The following DSTYK variants were observed in gnomAD, a reference collection of about 807,000 sequenced individuals.
DSTYK encodes dual serine/threonine and tyrosine protein kinase.
DSTYK carries 34 observed loss-of-function variants against 98.7 expected under a neutral mutation model. The ratio of observed to expected loss-of-function variants is 0.34; its 90% CI spans 0.26 to 0.46. The LOEUF is 0.46. Among genes scored for constraint, DSTYK ranks in the 20% least tolerant of loss-of-function variants. The pLI, the probability that DSTYK is intolerant of heterozygous loss-of-function variation, is 1.00. For synonymous variants in DSTYK, 462 were observed against 457.3 expected (o/e 1.01, Z -0.13); for missense variants, 962 against 1,181.7 (o/e 0.81, Z 2.73).
chr1:205,151,848 T>A (rs528390129), intron 10 of DSTYK, among the ~76,000 whole-genome samples: 6 of 152,212 alleles, frequency 3.9e-5, no homozygotes, highest in Non-Finnish European at 7.4e-5. Context: ...ATAATACACA[T>A]GGAGCTATGA....
rs576768247 is a variant in DSTYK at position 205,150,089 on chromosome 1, G to A, written c.2467+591C>T. On this transcript the variant is annotated intron_variant, in intron 11 of 12. Transcript: ENST00000367162. This position sits in a 1 kb window ranked among gnomAD's most constrained non-coding sequence, Gnocchi z 4.1. Reference sequence around the variant, plus strand: ...ATCGTCACAGAATTAAACAAAATATGTGAAAAACCTACCCATACTGCTTAG... The same window carrying A: ...ATCGTCACAGAATTAAACAAAATATATGAAAAACCTACCCATACTGCTTAG... Among the ~76,000 whole-genome samples the A allele has an allele frequency of 2.0e-4, 31 of 152,220 alleles. No homozygotes were observed. The highest frequency in any genetic ancestry group is 7.2e-4 in the African/African-American group (30 of 41,530).
At chr1:205,183,852 C>T (rs894335801) in intron 2 of DSTYK, among the ~76,000 whole-genome samples, 2 of 152,088 alleles carry the variant, frequency 1.3e-5, no homozygotes, top group Non-Finnish European at 2.9e-5. Flanking sequence ...GGTTGCAAGG[C>T]CCTCTGAGAC....
chr1:205,202,325 G>C (rs1418031107), intron 1 of DSTYK: 2 of 695,620 alleles, frequency 2.9e-6, no homozygotes, highest in Non-Finnish European at 5.4e-6. Flanking sequence ...GAAAAGCCAC[G>C]AAGTATCTGA....
chr1:205,166,784 A>G (rs1260085073), intron 3 of DSTYK, among the ~76,000 whole-genome samples: 1 of 152,212 alleles, frequency 6.6e-6, no homozygotes, highest in Non-Finnish European at 1.5e-5. Flanking sequence ...TGACTATAAG[A>G]AATCAGGCAA....
Position 205,178,628 on chromosome 1 carries a change from A to G in DSTYK, c.654+8790T>C, listed in dbSNP as rs536440261. 2.0e-5 allele frequency among the ~76,000 whole-genome samples: 3 copies of G among 152,340 alleles called. No homozygotes were observed. In the South Asian group the frequency reaches 6.2e-4, roughly 32 times the overall value. On this transcript the variant is annotated intron_variant, in intron 2 of 12. Transcript: ENST00000367162. ...CTCTAATAAGAGTAGAAGAATAACT[A>G]TAAGTAAGTTGGAACAAGAAGCCTT...
At chr1:205,149,431 C>T (rs1050841341) in intron 11 of DSTYK, among the ~76,000 whole-genome samples, 6 of 152,164 alleles carry the variant, frequency 3.9e-5, no homozygotes, top group Non-Finnish European at 5.9e-5. Context: ...TTTCTATCTT[C>T]GCTGGCAATG....
intron 3 of DSTYK, among the ~76,000 whole-genome samples, chr1:205,164,281 T>C (rs1203245477): frequency 5.9e-5 from 9 of 151,912 alleles, no homozygotes; most frequent in Non-Finnish European, 1.3e-4. Context: ...TGAGACCTCA[T>C]CTCTACAAAA....
At chr1:205,183,517 T>C (rs1658481150) in intron 2 of DSTYK, among the ~76,000 whole-genome samples, 1 of 152,236 alleles carries the variant, frequency 6.6e-6, no homozygotes, top group African/African-American at 2.4e-5. Context: ...GACCATTGTA[T>C]AAGAGGGCAG....
In DSTYK at chr1:205,146,046, G is replaced by C. The variant is rs1657222414; in HGVS notation, c.*1512C>G. The C allele has an allele frequency of 6.6e-6, 1 of 152,160 alleles. No homozygotes were observed. Among genetic ancestry groups the C allele is most frequent in the South Asian group, 2.1e-4 (1 of 4,828 alleles). 9.4% of individuals were successfully genotyped at this position (152,160 alleles called of 1,614,324 possible). On this transcript the variant is annotated 3_prime_UTR_variant, in exon 13 of 13. Transcript: ENST00000367162. Reference sequence around the variant, plus strand: ...CCCAGACACTAGCACACAGGGGTGAGGGGCACACACAGAACTACCAGAGGA... The same window carrying C: ...CCCAGACACTAGCACACAGGGGTGACGGGCACACACAGAACTACCAGAGGA...
chr1:205,182,360 C>T (rs909053934), intron 2 of DSTYK, among the ~76,000 whole-genome samples: 37 of 151,756 alleles, frequency 2.4e-4, no homozygotes, highest in Admixed American at 1.3e-4. Flanking sequence ...ACTGTACTCC[C>T]AGCCTGGACA....
chr1:205,151,211 G>A (rs917753344), intron 10 of DSTYK, among the ~76,000 whole-genome samples: 4 of 152,032 alleles, frequency 2.6e-5, no homozygotes, highest in Admixed American at 6.6e-5. Flanking sequence ...TGCTCTGGGT[G>A]AGTCAGTGAG....
chr1:205,195,645 C>G (rs748619389), intron 1 of DSTYK, among the ~76,000 whole-genome samples: 1 of 152,228 alleles, frequency 6.6e-6, no homozygotes, highest in Non-Finnish European at 1.5e-5. Flanking sequence ...AGGCAAAGCT[C>G]TCGCTGGAAT....
intron 2 of DSTYK, among the ~76,000 whole-genome samples, chr1:205,183,766 A>G (rs1400561783): frequency 1.3e-5 from 2 of 152,186 alleles, no homozygotes; most frequent in East Asian, 1.9e-4. Context: ...CCCAGCAGTA[A>G]GCTGAGCATT....
intron 11 of DSTYK, among the ~76,000 whole-genome samples, chr1:205,149,759 A>G (rs1214042805): frequency 1.3e-5 from 2 of 152,050 alleles, no homozygotes; most frequent in African/African-American, 4.8e-5. Context: ...CTTGCACAAC[A>G]AGCCTTGATT....
In DSTYK at chr1:205,185,321, C is replaced by T. The variant is rs183978601; in HGVS notation, c.654+2097G>A. On this transcript the variant is annotated intron_variant, in intron 2 of 12. Coordinates refer to ENST00000367162, the MANE Select transcript of DSTYK (RefSeq NM_015375.3). ...CACATTCCAGGATTGTTACTAAAGGCAAGAATGGGGAAAATCACCACCTGA... is the reference window on the plus strand; with the variant it reads ...CACATTCCAGGATTGTTACTAAAGGTAAGAATGGGGAAAATCACCACCTGA... Among the ~76,000 whole-genome samples, 305 of 152,252 alleles carry T rather than the reference C, an allele frequency of 2.0e-3. 3 individuals carry two copies. Among genetic ancestry groups the T allele is most frequent in the African/African-American group, 7.1e-3 (297 of 41,544 alleles).
At chr1:205,207,673 G>A (rs1659244234) in intron 1 of DSTYK, among the ~76,000 whole-genome samples, 2 of 128,094 alleles carry the variant, frequency 1.6e-5, no homozygotes, top group Non-Finnish European at 3.1e-5. Context: ...GGAGAATCAC[G>A]TGAACATGGG....
rs1164474432 is a variant in DSTYK, at chr1:205,146,660, C to G, written c.*898G>C. The G allele has an allele frequency of 1.3e-5, 2 of 152,228 alleles. No individual in the cohort carries two copies. Among genetic ancestry groups the G allele is most frequent in the African/African-American group, 4.8e-5 (2 of 41,256 alleles). The allele number at this position is 152,228 out of a possible 1,614,324, so 9.4% of individuals were successfully genotyped here. A position where few individuals can be genotyped will look rare whatever the true frequency, so the allele number is the denominator to read the frequency against. On this transcript the variant is annotated 3_prime_UTR_variant, in exon 13 of 13. Coordinates refer to ENST00000367162, the MANE Select transcript of DSTYK (RefSeq NM_015375.3). ...GATCTCGGCTCACTGCAACCTCCGC[C>G]TCCCAGGTTCAAGCGATTCTCCTGC...
intron 2 of DSTYK, among the ~76,000 whole-genome samples, chr1:205,178,051 C>T (rs1658283811): frequency 6.6e-6 from 1 of 152,062 alleles, no homozygotes; most frequent in African/African-American, 2.4e-5. Flanking sequence ...GATACAAGCT[C>T]ATCTCCCTAC....
At chr1:205,205,634 C>T (rs758438853) in intron 1 of DSTYK, among the ~76,000 whole-genome samples, 2 of 151,880 alleles carry the variant, frequency 1.3e-5, no homozygotes, top group African/African-American at 2.4e-5. Context: ...TTAGTGGAGA[C>T]GATGTTTCAC....
Sources: allele counts gnomAD v4.1 joint callset (sites outside exome capture counted in the v4.1 genomes callset), GRCh38; gene constraint gnomAD v4.1.1; non-coding constraint Gnocchi (gnomAD v3.1); transcripts MANE v1.5; gene names NCBI Gene and HGNC (gene_info 2026-07-23, HGNC 2026-07-21).